Variants in ALKBH1 observed in about 807,000 individuals in gnomAD.
The protein encoded by ALKBH1 is nucleic acid dioxygenase ALKBH1.
A neutral mutation model predicts 36.6 loss-of-function variants in ALKBH1; 31 were observed. The ratio of observed to expected loss-of-function variants is 0.85; its 90% CI spans 0.64 to 1.14. The LOEUF (loss-of-function observed/expected upper bound fraction) is 1.14. Among genes scored for constraint, ALKBH1 ranks in the 50% most tolerant of loss-of-function variants. The pLI, the probability that ALKBH1 is intolerant of heterozygous loss-of-function variation, is 0.00. For synonymous variants in ALKBH1, 183 were observed against 186.6 expected (o/e 0.98, Z 0.16); for missense variants, 490 against 497.3 (o/e 0.99, Z 0.14).
intron 3 of ALKBH1, among the ~76,000 whole-genome samples, chr14:77,684,970 C>T (rs2080259719): frequency 6.6e-6 from 1 of 152,146 alleles, no homozygotes; most frequent in Non-Finnish European, 1.5e-5. Flanking sequence ...TTTGATATGG[C>T]CGCAACAAAC....
intron 4 of ALKBH1, 123 bp downstream of exon 4, chr14:77,679,757 A>AC: frequency 2.7e-6 from 2 of 752,646 alleles, no homozygotes; most frequent in Non-Finnish European, 4.3e-6. Context: ...AGGAAATAAA[A>AC]GAAAGGGATC....
At chr14:77,704,530 C>T in intron 1 of ALKBH1, 53 bp from the exon 2 acceptor site, 1 of 1,423,424 alleles carries the variant, frequency 7.0e-7, no homozygotes, top group Non-Finnish European at 9.9e-7. Context: ...GCAGGTCAAC[C>T]CCGGGAACCT....
Position 77,676,859 on chromosome 14 carries a change from C to T in ALKBH1, c.547-1010G>A, listed in dbSNP as rs974249942. Among the ~76,000 whole-genome samples, 5 of 152,154 alleles carry T rather than the reference C, an allele frequency of 3.3e-5. No individual in the cohort carries two copies. In the East Asian group the frequency reaches 9.6e-4, roughly 29 times the overall value. ...ATGGCTTAGTGGCAATTTGACTGGT[C>T]AATCTGATGGGATGACATGCTCAAA... On this transcript the variant is annotated intron_variant, in intron 4 of 5. Coordinates refer to ENST00000216489, the MANE Select transcript of ALKBH1 (RefSeq NM_006020.3).
chr14:77,680,615 A>C (rs1193782506), intron 3 of ALKBH1, among the ~76,000 whole-genome samples: 1 of 151,774 alleles, frequency 6.6e-6, no homozygotes, highest in Non-Finnish European at 1.5e-5. Flanking sequence ...GTTTCTGTAC[A>C]ACCGAGACGT....
At chr14:77,704,046 A>G (rs1220852886) in intron 2 of ALKBH1, among the ~76,000 whole-genome samples, 1 of 152,226 alleles carries the variant, frequency 6.6e-6, no homozygotes, top group African/African-American at 2.4e-5. Flanking sequence ...TTACAATGAT[A>G]ATGATAAATT....
intron 2 of ALKBH1, among the ~76,000 whole-genome samples, chr14:77,703,012 C>CGTG (rs534397003): frequency 3.6e-4 from 54 of 151,838 alleles, no homozygotes; most frequent in African/African-American, 1.3e-3. Flanking sequence ...ATTAGCTGGG[C>CGTG]GTGGTGGCAT....
intron 3 of ALKBH1, among the ~76,000 whole-genome samples, chr14:77,681,219 CTG>C (rs904800491): frequency 1.4e-4 from 21 of 152,096 alleles, no homozygotes; most frequent in Non-Finnish European, 2.8e-4. Flanking sequence ...TAGAGGGAAA[CTG>C]AACGCAGTAT....
At position 77,672,430 on chromosome 14, in the gene ALKBH1, C is replaced by T. The variant is rs973683489; in HGVS notation, c.*1382G>A. 2 of 152,118 alleles carry T rather than the reference C, an allele frequency of 1.3e-5. No individual in the cohort carries two copies. Among genetic ancestry groups the T allele is most frequent in the African/African-American group, 4.8e-5 (2 of 41,412 alleles). 9.4% of individuals were successfully genotyped at this position (152,118 alleles called of 1,614,324 possible). A position where few individuals can be genotyped will look rare whatever the true frequency, so the allele number is the denominator to read the frequency against. ...AAGAGATAAATCCATAATTTTTATT[C>T]ATTTAAAAACCCTGCTATTACCATA... On this transcript the variant is annotated 3_prime_UTR_variant, in exon 6 of 6. Transcript: ENST00000216489.
intron 4 of ALKBH1, among the ~76,000 whole-genome samples, chr14:77,678,108 A>AC (rs1555383478): frequency 6.6e-6 from 1 of 151,584 alleles, no homozygotes; most frequent in Non-Finnish European, 1.5e-5. Flanking sequence ...AAAAAAAAAA[A>AC]AGCTAACATT....
At chr14:77,685,153 A>G (rs1212789068) in intron 3 of ALKBH1, among the ~76,000 whole-genome samples, 1 of 152,218 alleles carries the variant, frequency 6.6e-6, no homozygotes, top group Non-Finnish European at 1.5e-5. Flanking sequence ...AGCCAAAATA[A>G]CATCTCTCAC....
intron 1 of ALKBH1, among the ~76,000 whole-genome samples, chr14:77,704,972 A>G (rs1269340992): frequency 1.3e-5 from 2 of 152,202 alleles, no homozygotes; most frequent in Non-Finnish European, 2.9e-5. Context: ...ATGGGGCTGA[A>G]TCATGAAAGG....
At chr14:77,705,409 A>G (rs60569734) in intron 1 of ALKBH1, among the ~76,000 whole-genome samples, 46,629 of 95,018 alleles carry the variant, frequency 0.49, 8,297 homozygotes, top group Non-Finnish European at 0.56. Flanking sequence ...GACTCCGTCT[A>G]AGAAAAAAAA....
At chr14:77,699,976 AC>A (rs2080350393) in intron 2 of ALKBH1, among the ~76,000 whole-genome samples, 1 of 151,952 alleles carries the variant, frequency 6.6e-6, no homozygotes, top group South Asian at 2.1e-4. Context: ...AATGGCATGA[AC>A]CCGGGAGGTG....
intron 4 of ALKBH1, among the ~76,000 whole-genome samples, chr14:77,676,734 T>G (rs539239835): frequency 6.6e-6 from 1 of 152,272 alleles, no homozygotes; most frequent in East Asian, 1.9e-4. Context: ...CTTCTCAACT[T>G]TTCTGCAAAT....
chr14:77,704,371 G>T lies in ALKBH1; in HGVS notation c.290C>A (p.Pro97His). The change falls in exon 2 of 6, where the codon CCT (proline) becomes CAT (histidine). Residue 97 changes from proline (P) to histidine (H), a missense_variant and splice_region_variant. By Grantham distance (77) the Pro-to-His change is moderately conservative (BLOSUM62 -2). Transcript: ENST00000216489. ...KWQAYGLKGY[P>H]GFIFIPNPFL... ...TCTCTGAGGTCAGTTACACTCACCA[G>T]GATAGCCTTTGAGTCCATAGGCTTG... 1 of 1,611,550 alleles carries T rather than the reference G, an allele frequency of 6.2e-7. No homozygotes were observed. Among genetic ancestry groups the T allele is most frequent in the Non-Finnish European group, 8.5e-7 (1 of 1,177,646 alleles).
At chr14:77,681,357 G>A (rs1346384251) in intron 3 of ALKBH1, among the ~76,000 whole-genome samples, 1 of 152,142 alleles carries the variant, frequency 6.6e-6, no homozygotes, top group African/African-American at 2.4e-5. Flanking sequence ...GCACGGCACT[G>A]AAGAATGGGC....
At chr14:77,690,967 A>C (rs1249871349) in intron 3 of ALKBH1, among the ~76,000 whole-genome samples, 1 of 151,768 alleles carries the variant, frequency 6.6e-6, no homozygotes, top group African/African-American at 2.4e-5. Flanking sequence ...ATGCCCGGCT[A>C]ATTTTGTATT....
In ALKBH1 at chr14:77,673,088, C is replaced by G. The variant is rs1595045055; in HGVS notation, c.*724G>C. On this transcript the variant is annotated 3_prime_UTR_variant, in exon 6 of 6. Transcript: ENST00000216489. ...AGTTTATTCATGGAGAAAACAGTAA[C>G]AAAACACCCTTGGGACTTTTTTATT... 1 of 152,142 alleles carries G rather than the reference C, an allele frequency of 6.6e-6. No individual in the cohort carries two copies. Among genetic ancestry groups the G allele is most frequent in the African/African-American group, 2.4e-5 (1 of 41,436 alleles). 9.4% of individuals were successfully genotyped at this position (152,142 alleles called of 1,614,324 possible).
At chr14:77,704,808 G>C (rs1354368827) in intron 1 of ALKBH1, among the ~76,000 whole-genome samples, 1 of 152,152 alleles carries the variant, frequency 6.6e-6, no homozygotes. Context: ...TTTTAGATGA[G>C]TCATTTAATG....
Sources: allele counts gnomAD v4.1 joint callset (sites outside exome capture counted in the v4.1 genomes callset), GRCh38; gene constraint gnomAD v4.1.1; transcripts MANE v1.5; gene names NCBI Gene and HGNC (gene_info 2026-07-23, HGNC 2026-07-21).